Variants in CLDN10 observed in about 807,000 individuals in gnomAD.
CLDN10 encodes the protein claudin-10.
Under a neutral mutation model 22.9 loss-of-function variants are expected in CLDN10, and 15 were observed. That is an observed-to-expected ratio of 0.65 (90% CI 0.44 to 1.01). The LOEUF is 1.01. Among genes scored for constraint, CLDN10 ranks in the 50% least tolerant of loss-of-function variants. The pLI, the probability that CLDN10 is intolerant of heterozygous loss-of-function variation, is 0.00. For missense variants in CLDN10, 247 were observed against 287.8 expected (o/e 0.86, Z 1.03); for synonymous variants, 114 against 111.4 (o/e 1.02, Z -0.15).
intron 1 of CLDN10, among the ~76,000 whole-genome samples, chr13:95,494,398 T>A (rs901413493): frequency 2.0e-5 from 3 of 152,246 alleles, no homozygotes; most frequent in African/African-American, 7.2e-5. Context: ...GAAAATAGCC[T>A]GTTTGCTCTA....
chr13:95,538,891 T>G (rs1366170716), intron 1 of CLDN10, among the ~76,000 whole-genome samples: 3 of 152,028 alleles, frequency 2.0e-5, no homozygotes, highest in African/African-American at 7.2e-5. Flanking sequence ...CATTTCTCTC[T>G]TTTTTTGAGA....
At chr13:95,508,624 G>T (rs2043063496) in intron 1 of CLDN10, among the ~76,000 whole-genome samples, 2 of 152,362 alleles carry the variant, frequency 1.3e-5, no homozygotes, top group East Asian at 1.9e-4. Context: ...CCAGAACTGG[G>T]ATTGAAATGG....
At chr13:95,577,193 T>C in intron 3 of CLDN10, 38 bp from the exon 4 acceptor site, 1 of 1,371,256 alleles carries the variant, frequency 7.3e-7, no homozygotes, top group Non-Finnish European at 1.0e-6. Context: ...ACTCTCCAAA[T>C]AAGTGAGCTG....
intron 1 of CLDN10, among the ~76,000 whole-genome samples, chr13:95,502,287 G>A (rs894751471): frequency 4.6e-5 from 7 of 152,098 alleles, no homozygotes; most frequent in East Asian, 1.9e-4. Flanking sequence ...GTAACACTTC[G>A]AATCTTAATT....
chr13:95,438,475 C>T (rs962748340), intron 1 of CLDN10, among the ~76,000 whole-genome samples: 6 of 152,184 alleles, frequency 3.9e-5, no homozygotes, highest in Non-Finnish European at 8.8e-5. Context: ...ACAGTCTTCT[C>T]AGCATCTGGG....
At chr13:95,442,767 G>A (rs2042336687) in intron 1 of CLDN10, among the ~76,000 whole-genome samples, 1 of 152,214 alleles carries the variant, frequency 6.6e-6, no homozygotes, top group South Asian at 2.1e-4. Context: ...TCCACATAGA[G>A]CTAACGATGC....
At chr13:95,476,055 C>T (rs17268456) in intron 1 of CLDN10, among the ~76,000 whole-genome samples, 31,733 of 152,080 alleles carry the variant, frequency 0.21, 3,894 homozygotes, top group Non-Finnish European at 0.29. Context: ...CTTCTGGGCA[C>T]TTGTGGTGAT....
intron 1 of CLDN10, among the ~76,000 whole-genome samples, chr13:95,526,983 T>G (rs2043288290): frequency 6.6e-6 from 1 of 152,182 alleles, no homozygotes. Flanking sequence ...TCCAGCTTTC[T>G]GTTCAGGTGA....
intron 1 of CLDN10, among the ~76,000 whole-genome samples, chr13:95,504,616 G>A (rs1210592928): frequency 6.6e-6 from 1 of 152,156 alleles, no homozygotes; most frequent in Admixed American, 6.5e-5. Context: ...CTGACCTCAG[G>A]TGATCTGCCT....
rs1293632423 is a variant in CLDN10 at position 95,473,657 on chromosome 13, G to A, written c.214+39610G>A. Among the ~76,000 whole-genome samples, 6 of 152,346 alleles carry A rather than the reference G, an allele frequency of 3.9e-5. No individual in the cohort carries two copies. The South Asian group carries it at 8.3e-4, about 21-fold the overall frequency. ...ATCACCCAGAAGGGCTACGGGAACCGAGGGCTGAGGACCGGGTGCCGTCCC... is the reference window on the plus strand; with the variant it reads ...ATCACCCAGAAGGGCTACGGGAACCAAGGGCTGAGGACCGGGTGCCGTCCC... On this transcript the variant is annotated intron_variant, in intron 1 of 4. Coordinates refer to the CLDN10 transcript ENST00000376873.
At chr13:95,532,649 A>G (rs1017925545) in intron 1 of CLDN10, among the ~76,000 whole-genome samples, 4 of 152,138 alleles carry the variant, frequency 2.6e-5, no homozygotes, top group Non-Finnish European at 5.9e-5. Flanking sequence ...ATATTTACCC[A>G]TGATAACATG....
At chr13:95,572,137 G>C (rs1046424952) in intron 3 of CLDN10, among the ~76,000 whole-genome samples, 4 of 151,848 alleles carry the variant, frequency 2.6e-5, no homozygotes, top group Non-Finnish European at 5.9e-5. Context: ...ACCTCTTTTT[G>C]TGCCGGAAGA....
intron 1 of CLDN10, among the ~76,000 whole-genome samples, chr13:95,451,734 A>C (rs956657701): frequency 1.3e-5 from 2 of 152,190 alleles, no homozygotes; most frequent in Non-Finnish European, 2.9e-5. Context: ...CTGGAAGAGC[A>C]CCCTGCATAA....
At chr13:95,488,950 C>CTTTTTTTTTTTTTTT (rs58919737) in intron 1 of CLDN10, among the ~76,000 whole-genome samples, 5 of 110,748 alleles carry the variant, frequency 4.5e-5, no homozygotes, top group Non-Finnish European at 8.6e-5. Flanking sequence ...ACTTTTTGTT[C>CTTTTTTTTTTTTTTT]TTTTTTTTTT....
chr13:95,533,667 C>G (rs572090241), intron 1 of CLDN10: 2 of 152,298 alleles, frequency 1.3e-5, no homozygotes, highest in African/African-American at 4.8e-5. Flanking sequence ...CGGTGAGATA[C>G]AGAGACATCC....
At chr13:95,456,569 A>T (rs1218753273) in intron 1 of CLDN10, among the ~76,000 whole-genome samples, 1 of 152,138 alleles carries the variant, frequency 6.6e-6, no homozygotes, top group Non-Finnish European at 1.5e-5. Context: ...CTTGGGCAAC[A>T]TAATAAGACG....
chr13:95,478,656 G>T (rs1477380990), intron 1 of CLDN10, among the ~76,000 whole-genome samples: 1 of 152,174 alleles, frequency 6.6e-6, no homozygotes, highest in African/African-American at 2.4e-5. Flanking sequence ...GTTCCTCAGC[G>T]CTTCGTTGGT....
chr13:95,461,005 C>T (rs958807236), intron 1 of CLDN10, among the ~76,000 whole-genome samples: 4 of 152,082 alleles, frequency 2.6e-5, no homozygotes, highest in Non-Finnish European at 5.9e-5. Flanking sequence ...CCAGCTACTC[C>T]AGAGGCTGAG....
chr13:95,571,010 A>G (rs934654262), intron 3 of CLDN10, among the ~76,000 whole-genome samples: 4 of 151,484 alleles, frequency 2.6e-5, no homozygotes, highest in African/African-American at 7.3e-5. Flanking sequence ...CGTTTTTGTC[A>G]TTGCTTTTAA....
Sources: gnomAD v4.1 joint callset for allele counts (sites outside exome capture counted in the v4.1 genomes callset) on GRCh38, gnomAD v4.1.1 for gene constraint, MANE v1.5 for transcripts, NCBI Gene and HGNC (gene_info 2026-07-23, HGNC 2026-07-21) for gene names.